The following CCDC169 variants were observed in gnomAD, a reference collection of about 807,000 sequenced individuals.
CCDC169 encodes coiled-coil domain-containing protein 169.
In CCDC169, 30 loss-of-function variants were observed where a neutral mutation model predicts 36.0. That is an observed-to-expected ratio of 0.83 (90% CI 0.62 to 1.13). The LOEUF is 1.13. Among genes scored for constraint, CCDC169 ranks in the 50% most tolerant of loss-of-function variants. The pLI is 0.00. For missense variants in CCDC169, 245 were observed against 245.9 expected (o/e 1.00, Z 0.03); for synonymous variants, 85 against 81.5 (o/e 1.04, Z -0.23).
chr13:36,292,326 A>G (rs1483325329), intron 2 of CCDC169, among the ~76,000 whole-genome samples: 4 of 152,028 alleles, frequency 2.6e-5, no homozygotes. Context: ...GGAGGTAATG[A>G]TATTATTTTC....
At position 36,231,276 on chromosome 13, in the gene CCDC169, C is replaced by G. The variant is rs1870392709; in HGVS notation, c.562G>C (p.Ala188Pro). The G allele has an allele frequency of 6.4e-7, 1 of 1,551,178 alleles. No individual in the cohort carries two copies. The highest frequency in any genetic ancestry group is 8.7e-7 in the Non-Finnish European group (1 of 1,146,814). The change falls in exon 8 of 8, where the codon GCT becomes CCT. Residue 188 changes from alanine to proline, a missense_variant. By Grantham distance (27) the Ala-to-Pro change is conservative. Coordinates refer to ENST00000239859, the MANE Select transcript of CCDC169 (RefSeq NM_001144981.3). ...TTGGCACTCACTGTCTTCTGCTTAGCTGGATTATATCTTCCACTGAAATAA... is the reference window on the plus strand; with the variant it reads ...TTGGCACTCACTGTCTTCTGCTTAGGTGGATTATATCTTCCACTGAAATAA... ...NLVKTGRYNPAKQKTVSAKRG... is the reference protein window; with the variant it reads ...NLVKTGRYNPPKQKTVSAKRG...
chr13:36,257,505 A>AC (rs59104247), intron 4 of CCDC169, among the ~76,000 whole-genome samples: 152,217 of 152,260 alleles, frequency 1, 76,087 homozygotes, highest in East Asian at 1. Flanking sequence ...AGAGATCGAG[A>AC]CATCCTGGCC....
rs973198632 is a variant in CCDC169, at chr13:36,259,752, G to A, written c.316-5609C>T. On this transcript the variant is annotated intron_variant, in intron 4 of 7. Coordinates refer to ENST00000239859, the MANE Select transcript of CCDC169 (RefSeq NM_001144981.3). ...AGAGGCTGAAGTGAAGACTTGGCTC[G>A]TGACCAAAGGTTGAAGTTTTCCTTT... 2.7e-4 allele frequency among the ~76,000 whole-genome samples: 41 copies of A among 152,336 alleles called. 1 individual carries two copies. Among genetic ancestry groups the A allele is most frequent in the African/African-American group, 9.6e-4 (40 of 41,592 alleles).
chr13:36,295,571 A>C (rs1879382076), intron 2 of CCDC169, among the ~76,000 whole-genome samples: 1 of 152,216 alleles, frequency 6.6e-6, no homozygotes, highest in Non-Finnish European at 1.5e-5. Flanking sequence ...CTTGAAAGGT[A>C]GAAAAATAAT....
downstream of CCDC169, chr13:36,227,503 T>C: frequency 9.3e-7 from 1 of 1,075,976 alleles, no homozygotes; most frequent in East Asian, 3.0e-5. Context: ...TACACAAAAA[T>C]AAATAAATAA....
In CCDC169 at chr13:36,268,360, C is replaced by T. The variant is rs551526377; in HGVS notation, c.316-14217G>A. 6.6e-5 allele frequency among the ~76,000 whole-genome samples: 10 copies of T among 152,224 alleles called. No homozygotes were observed. In the East Asian group the frequency reaches 1.5e-3, roughly 24 times the overall value. On this transcript the variant is annotated intron_variant, in intron 4 of 7. Coordinates refer to ENST00000239859, the MANE Select transcript of CCDC169 (RefSeq NM_001144981.3). ...AAATACATGCAAATTAAATAATCTGCTCCTGAATGATATCTGGGTTAACAA... is the reference window on the plus strand; with the variant it reads ...AAATACATGCAAATTAAATAATCTGTTCCTGAATGATATCTGGGTTAACAA...
Position 36,253,045 on chromosome 13 carries a change from T to C in CCDC169, c.468+758A>G, listed in dbSNP as rs149038936. ...AAACTCTACAATACCAACGATATCA[T>C]AAATAAAACTGAAAGGCAAATGGAT... On this transcript the variant is annotated intron_variant, in intron 6 of 7. Coordinates refer to ENST00000239859, the MANE Select transcript of CCDC169 (RefSeq NM_001144981.3). 5.8e-4 allele frequency among the ~76,000 whole-genome samples: 89 copies of C among 152,262 alleles called. No individual in the cohort carries two copies. The East Asian group carries it at 0.016, about 27-fold the overall frequency.
rs553108055 is a variant in CCDC169 at position 36,283,680 on chromosome 13, A to G, written c.186T>C (p.Tyr62=). ...CATCATTTAATTCAAGTTGTGTCTC[A>G]TAACGGGTTTTCCATTCACTACCTG... is the stretch of plus-strand genomic sequence containing the variant. ...DNEGSEWKTR[Y]ETQLELNDEL... The change falls in exon 3 of 8, where the codon TAT becomes TAC. Residue 62 remains tyrosine (Y), a synonymous_variant. Coordinates refer to ENST00000239859, the MANE Select transcript of CCDC169 (RefSeq NM_001144981.3). 6 of 1,551,022 alleles carry G rather than the reference A, an allele frequency of 3.9e-6. No homozygotes were observed. The East Asian group carries it at 1.2e-4, about 32-fold the overall frequency.
intron 4 of CCDC169, among the ~76,000 whole-genome samples, chr13:36,256,486 C>A (rs950341314): frequency 5.3e-5 from 8 of 152,142 alleles, no homozygotes; most frequent in African/African-American, 1.7e-4. Context: ...ATCACAAGAA[C>A]AGCATGGAGG....
At chr13:36,246,240 A>G (rs2138440281) in intron 7 of CCDC169, among the ~76,000 whole-genome samples, 1 of 152,358 alleles carries the variant, frequency 6.6e-6, no homozygotes, top group African/African-American at 2.4e-5. Flanking sequence ...TGAGGAAGGT[A>G]TGTTGAAAGC....
chr13:36,237,013 G>C (rs1178714845), intron 7 of CCDC169, among the ~76,000 whole-genome samples: 1 of 151,876 alleles, frequency 6.6e-6, no homozygotes, highest in African/African-American at 2.4e-5. Flanking sequence ...AAAAGTAAAT[G>C]CTATATAAAT....
intron 2 of CCDC169, among the ~76,000 whole-genome samples, chr13:36,286,378 T>A (rs1413922865): frequency 2.6e-5 from 4 of 152,186 alleles, no homozygotes; most frequent in Non-Finnish European, 5.9e-5. Context: ...GGCTCTGCTT[T>A]ATTTAGACTT....
intron 4 of CCDC169, among the ~76,000 whole-genome samples, chr13:36,260,189 T>C (rs1449925659): frequency 1.3e-5 from 2 of 152,258 alleles, no homozygotes; most frequent in East Asian, 3.8e-4. Flanking sequence ...ATGGTAGAGC[T>C]GGAACGTGAA....
chr13:36,271,265 G>T (rs1925842), intron 4 of CCDC169, among the ~76,000 whole-genome samples: 38,716 of 152,000 alleles, frequency 0.25, 5,216 homozygotes, highest in East Asian at 0.49. Context: ...AATAGATGTT[G>T]GCATGGATGT....
At chr13:36,276,278 CAAT>C (rs1466303288) in intron 4 of CCDC169, among the ~76,000 whole-genome samples, 27 of 152,200 alleles carry the variant, frequency 1.8e-4, no homozygotes, top group South Asian at 4.1e-4. Context: ...AGAATATTTT[CAAT>C]AATAATACTA....
At chr13:36,283,441 C>T in intron 4 of CCDC169, 28 bp downstream of exon 4, 1 of 1,536,398 alleles carries the variant, frequency 6.5e-7, no homozygotes, top group Non-Finnish European at 8.8e-7. Flanking sequence ...TTCAATTATT[C>T]TTTGTGTTTA....
intron 7 of CCDC169, among the ~76,000 whole-genome samples, chr13:36,237,764 T>C (rs751690046): frequency 1.3e-5 from 2 of 152,190 alleles, no homozygotes; most frequent in Non-Finnish European, 2.9e-5. Flanking sequence ...GGACTGCATA[T>C]ATGACAGTAT....
At chr13:36,239,062 C>G (rs750558332) in intron 7 of CCDC169, among the ~76,000 whole-genome samples, 7 of 151,876 alleles carry the variant, frequency 4.6e-5, no homozygotes, top group Non-Finnish European at 8.8e-5. Flanking sequence ...AAGACCCTGT[C>G]CATATTCTCT....
At chr13:36,253,137 A>G (rs1873373490) in intron 6 of CCDC169, among the ~76,000 whole-genome samples, 1 of 152,188 alleles carries the variant, frequency 6.6e-6, no homozygotes, top group Non-Finnish European at 1.5e-5. Context: ...ATTTATAAGT[A>G]CGCACTTCTA....
Sources: allele counts gnomAD v4.1 joint callset (sites outside exome capture counted in the v4.1 genomes callset), GRCh38; gene constraint gnomAD v4.1.1; transcripts MANE v1.5; gene names NCBI Gene and HGNC (gene_info 2026-07-23, HGNC 2026-07-21).